The following EDN2 variants were observed in gnomAD, a reference collection of about 807,000 sequenced individuals.
EDN2 encodes the protein endothelin-2.
A neutral mutation model predicts 19.9 loss-of-function variants in EDN2; 10 were observed. The observed-to-expected ratio is 0.50, with a 90% CI of 0.31 to 0.85. The LOEUF is 0.85. Ranked by LOEUF, EDN2 falls within the 40% of genes least tolerant of loss-of-function variation. The probability of loss-of-function intolerance (pLI) is 0.05; values close to 1 mark genes in which losing one functional copy is unlikely to be tolerated. For synonymous variants in EDN2, 84 were observed against 94.9 expected (o/e 0.89, Z 0.67); for missense variants, 222 against 239.3 (o/e 0.93, Z 0.48).
chr1:41,484,365 G>A (rs989990432), intron 1 of EDN2, among the ~76,000 whole-genome samples, 162 bp from the exon 2 acceptor site: 2 of 152,198 alleles, frequency 1.3e-5, no homozygotes, highest in African/African-American at 2.4e-5. Flanking sequence ...CCAGCAGCCC[G>A]TGGGGAGCCT....
In EDN2 at chr1:41,484,029, A is replaced by G. The variant is rs747177547; in HGVS notation, c.221+18T>C. On this transcript the variant is annotated intron_variant, in intron 2 of 4. Transcript: ENST00000372587. ...TGCCCCAGAGCTCCCCCTGCCCCCA[A>G]TCCCCATGGATGCTCACTCAGGAGT... 8 of 1,579,654 alleles carry G rather than the reference A, an allele frequency of 5.1e-6. No homozygotes were observed. Among genetic ancestry groups the G allele is most frequent in the Middle Eastern group, 1.7e-4 (1 of 5,964 alleles).
chr1:41,482,924 T>G, intron 2 of EDN2: 1 of 179,392 alleles, frequency 5.6e-6, no homozygotes, highest in Non-Finnish European at 1.2e-5. Context: ...AGTTGGGAAT[T>G]GGGAACCTCC....
At chr1:41,480,998 C>T in intron 4 of EDN2, 97 bp downstream of exon 4, 2 of 1,022,568 alleles carry the variant, frequency 2.0e-6, no homozygotes, top group Non-Finnish European at 3.0e-6. Flanking sequence ...CTCTTTGCTG[C>T]CCAATGAGGA....
chr1:41,480,105 C>T (rs1428509908), intron 4 of EDN2, among the ~76,000 whole-genome samples: 1 of 152,204 alleles, frequency 6.6e-6, no homozygotes, highest in Admixed American at 6.5e-5. Flanking sequence ...AAAAACAGGC[C>T]TGAACTGCTG....
At position 41,484,593 on chromosome 1, in the gene EDN2, G is replaced by A. The variant is rs202183887; in HGVS notation, c.9C>T (p.Ser3=). ...CAACGGAGCACCAGGTGGTAGGCACGGAGACCATAGCGGCGGTGGAGCGCG... is the reference window on the plus strand; with the variant it reads ...CAACGGAGCACCAGGTGGTAGGCACAGAGACCATAGCGGCGGTGGAGCGCG... The part of the protein sequence containing the change: MV[S]VPTTWCSVAL... Residue 3 remains serine, a synonymous_variant, in exon 1 of 5, where the codon TCC becomes TCT. Coordinates refer to ENST00000372587, the MANE Select transcript of EDN2 (RefSeq NM_001956.5). 49 of 1,559,790 alleles carry A rather than the reference G, an allele frequency of 3.1e-5. No individual in the cohort carries two copies. The Middle Eastern group carries it at 5.0e-4, about 16-fold the overall frequency.
chr1:41,482,149 T>G (rs994242647), intron 3 of EDN2, among the ~76,000 whole-genome samples: 3 of 152,248 alleles, frequency 2.0e-5, no homozygotes, highest in African/African-American at 7.2e-5. Context: ...TGACAAGCTA[T>G]GCAGCCTGAC....
chr1:41,483,829 C>A, intron 2 of EDN2: 1 of 512,820 alleles, frequency 1.9e-6, no homozygotes, highest in Non-Finnish European at 3.4e-6. Context: ...CACTTGCTTA[C>A]CAGGCTGTCT....
At position 41,478,823 on chromosome 1, in the gene EDN2, T is replaced by C. The variant is rs904268717; in HGVS notation, c.*586A>G. 3 of 167,572 alleles carry C rather than the reference T, an allele frequency of 1.8e-5. No individual in the cohort carries two copies. Among genetic ancestry groups the C allele is most frequent in the Non-Finnish European group, 3.9e-5 (3 of 76,084 alleles). The allele number at this position is 167,572 out of a possible 1,614,324, so 10.4% of individuals were successfully genotyped here. A position where few individuals can be genotyped will look rare whatever the true frequency, so the allele number is the denominator to read the frequency against. On this transcript the variant is annotated 3_prime_UTR_variant, in exon 5 of 5. Transcript: ENST00000372587. ...CACAAGTTCGCAGGTAAATAGAGGG[T>C]CTAAAAAATACATTAAAATAAATAA...
chr1:41,479,434 G>A lies in EDN2; in HGVS notation c.512C>T (p.Thr171Ile), dbSNP rs1234892419. 4 of 1,614,050 alleles carry A rather than the reference G, an allele frequency of 2.5e-6. No homozygotes were observed. The highest frequency in any genetic ancestry group is 1.1e-5 in the South Asian group (1 of 91,090). ...QQEAMREPRS[T>I]HSRWRKR ...CTATCTCTTCCTCCACCTGGAATGT[G>A]TGGACCGAGGCTCCCGCATGGCCTC... Residue 171 changes from threonine (T) to isoleucine (I), a missense_variant, in exon 5 of 5, where the codon ACA becomes ATA. Thr to Ile is a moderately conservative substitution (Grantham distance 89). Transcript: ENST00000372587.
rs763469410 is a variant in EDN2, at chr1:41,479,442, A to C, written c.504T>G (p.Pro168=). The C allele has an allele frequency of 5.0e-6, 8 of 1,613,882 alleles. No individual in the cohort carries two copies. Among genetic ancestry groups the C allele is most frequent in the Non-Finnish European group, 6.8e-6 (8 of 1,179,994 alleles). ...TCCTCCACCTGGAATGTGTGGACCG[A>C]GGCTCCCGCATGGCCTCCTGTTGTC... is the stretch of plus-strand genomic sequence containing the variant. ...AKRQQEAMRE[P]RSTHSRWRKR The change falls in exon 5 of 5, where the codon CCT becomes CCG. Residue 168 remains proline, a synonymous_variant. Transcript: ENST00000372587.
At chr1:41,484,258 A>T (rs1644273079) in intron 1 of EDN2, 55 bp from the exon 2 acceptor site, 3 of 1,585,526 alleles carry the variant, frequency 1.9e-6, no homozygotes, top group Non-Finnish European at 2.6e-6. Flanking sequence ...TGCCTGGCAC[A>T]TCCCAGAGTG....
chr1:41,483,394 G>A (rs1644265027), intron 2 of EDN2, among the ~76,000 whole-genome samples: 1 of 152,218 alleles, frequency 6.6e-6, no homozygotes, highest in African/African-American at 2.4e-5. Flanking sequence ...TTTGCAATTT[G>A]GGGAGGGGAA....
At chr1:41,479,907 G>C (rs745879) in intron 4 of EDN2, among the ~76,000 whole-genome samples, 4 of 152,012 alleles carry the variant, frequency 2.6e-5, no homozygotes, top group Non-Finnish European at 4.4e-5. Context: ...CTCATTCTTC[G>C]AGGTCCAGTT....
chr1:41,481,665 G>T (rs1244727809), intron 3 of EDN2, among the ~76,000 whole-genome samples: 2 of 151,946 alleles, frequency 1.3e-5, no homozygotes, highest in Non-Finnish European at 2.9e-5. Context: ...TCAGCCTTCG[G>T]AGTAGTTGAG....
intron 4 of EDN2, among the ~76,000 whole-genome samples, chr1:41,479,889 C>A (rs1644232702): frequency 6.6e-6 from 1 of 152,206 alleles, no homozygotes; most frequent in African/African-American, 2.4e-5. Context: ...CCACCTGCTA[C>A]AATTCTACTC....
In EDN2 at chr1:41,479,341, G is replaced by T; in HGVS notation, c.*68C>A. 7.4e-7 allele frequency: 1 copy of T among 1,349,290 alleles called. No individual in the cohort carries two copies. 83.6% of individuals were successfully genotyped at this position (1,349,290 alleles called of 1,614,324 possible). On this transcript the variant is annotated 3_prime_UTR_variant, in exon 5 of 5. Transcript: ENST00000372587. ...CAGGAAGCAGGCAGAGAGTCCACAAGCCCTGGCCACTTCTCTCCTCCTCTC... is the reference window on the plus strand; with the variant it reads ...CAGGAAGCAGGCAGAGAGTCCACAATCCCTGGCCACTTCTCTCCTCCTCTC...
At chr1:41,484,307 A>G in intron 1 of EDN2, 104 bp from the exon 2 acceptor site, 1 of 1,431,952 alleles carries the variant, frequency 7.0e-7, no homozygotes, top group Non-Finnish European at 9.4e-7. Flanking sequence ...TAATCGAGGG[A>G]GTTGGCACTC....
At position 41,484,518 on chromosome 1, in the gene EDN2, G is replaced by T; in HGVS notation, c.64+20C>A. ...CAGACCCAGGAGCTGTAGGCAGCAGGTGAGGCCAGGGCAGCTCACCTTCAT... is the reference window on the plus strand; with the variant it reads ...CAGACCCAGGAGCTGTAGGCAGCAGTTGAGGCCAGGGCAGCTCACCTTCAT... On this transcript the variant is annotated intron_variant, in intron 1 of 4. Transcript: ENST00000372587. 2 of 1,551,842 alleles carry T rather than the reference G, an allele frequency of 1.3e-6. No individual in the cohort carries two copies. The highest frequency in any genetic ancestry group is 8.7e-7 in the Non-Finnish European group (1 of 1,147,238).
At position 41,482,587 on chromosome 1, in the gene EDN2, G is replaced by C. The variant is rs1350511975; in HGVS notation, c.223C>G (p.Gln75Glu). The C allele has an allele frequency of 6.4e-7, 1 of 1,568,210 alleles. No individual in the cohort carries two copies. The highest frequency in any genetic ancestry group is 8.6e-7 in the Non-Finnish European group (1 of 1,161,260). ...TTTCCCAGGCCGTAAGGAGCTGTCT[G>C]TCTGTGGGCGGGCAGCCAGCAAGGT... ...LDIIWVNTPE[Q>E]TAPYGLGNPP... Residue 75 changes from glutamine to glutamate, a missense_variant and splice_region_variant, in exon 3 of 5, where the codon CAG becomes GAG. Physicochemically the swap from Gln to Glu is conservative, Grantham distance 29. Coordinates refer to ENST00000372587, the MANE Select transcript of EDN2 (RefSeq NM_001956.5).
Sources: gnomAD v4.1 joint callset for allele counts (sites outside exome capture counted in the v4.1 genomes callset) on GRCh38, gnomAD v4.1.1 for gene constraint, MANE v1.5 for transcripts, NCBI Gene and HGNC (gene_info 2026-07-23, HGNC 2026-07-21) for gene names.